Variants in CTNNA3 observed in about 807,000 individuals in gnomAD.
The protein encoded by CTNNA3 is catenin alpha 3.
Under a neutral mutation model 95.7 loss-of-function variants are expected in CTNNA3, and 76 were observed. The observed-to-expected ratio is 0.79, with a 90% CI of 0.66 to 0.96. The LOEUF (loss-of-function observed/expected upper bound fraction) is 0.96. Among genes scored for constraint, CTNNA3 ranks in the 40% least tolerant of loss-of-function variants. The pLI, the probability that CTNNA3 is intolerant of heterozygous loss-of-function variation, is 0.00. For synonymous variants in CTNNA3, 431 were observed against 374.4 expected, an observed-to-expected ratio of 1.15 and a Z score of -1.74; for missense variants, 1,191 against 1,089.8, an observed-to-expected ratio of 1.09 and a Z score of -1.31.
chr10:66,911,947 T>C (rs1846240364), intron 7 of CTNNA3, among the ~76,000 whole-genome samples: 1 of 152,094 alleles, frequency 6.6e-6, no homozygotes. Flanking sequence ...AAGCCTAGAG[T>C]ATTTCAAAAG....
At chr10:67,225,990 G>A (rs1864896019) in intron 5 of CTNNA3, among the ~76,000 whole-genome samples, 2 of 152,070 alleles carry the variant, frequency 1.3e-5, no homozygotes, top group African/African-American at 2.4e-5. Context: ...AAGAAGTGAA[G>A]GGAGAAATAT....
rs180959618 is a variant in CTNNA3 at position 66,607,979 on chromosome 10, C to T, written c.1374+13713G>A. Among the ~76,000 whole-genome samples, 23 of 152,136 alleles carry T rather than the reference C, an allele frequency of 1.5e-4. No individual in the cohort carries two copies. In the East Asian group the frequency reaches 4.1e-3, roughly 27 times the overall value. ...TCAGGGAAGAGAAATAAATAAAGGG[C>T]ATGTAAACAGGAAGAGGGAAAGTTA... is the stretch of plus-strand genomic sequence containing the variant. On this transcript the variant is annotated intron_variant, in intron 10 of 17. Transcript: ENST00000433211.
chr10:67,742,639 A>C (rs1841347267), intron 1 of CTNNA3, among the ~76,000 whole-genome samples: 1 of 151,204 alleles, frequency 6.6e-6, no homozygotes, highest in Non-Finnish European at 1.5e-5. Flanking sequence ...GAAGGCAAGA[A>C]ATAACTAAGA....
chr10:67,502,494 C>T (rs111319601), intron 5 of CTNNA3, among the ~76,000 whole-genome samples: 1,946 of 152,292 alleles, frequency 0.013, 34 homozygotes, highest in African/African-American at 0.037. Context: ...AGAGCTCGAG[C>T]GCTGTGCTGG....
chr10:67,619,255 G>T (rs1843751127), intron 2 of CTNNA3, among the ~76,000 whole-genome samples: 1 of 152,084 alleles, frequency 6.6e-6, no homozygotes, highest in Non-Finnish European at 1.5e-5. Context: ...CATGGCACTG[G>T]CATAAAAACA....
intron 16 of CTNNA3, 96 bp downstream of exon 16, chr10:65,988,588 AAATGGTTG>A: frequency 1.3e-6 from 1 of 767,712 alleles, no homozygotes; most frequent in East Asian, 2.6e-5. Context: ...AATTTAGAAA[AAATGGTTG>A]AAGAGAGTAA....
intron 7 of CTNNA3, among the ~76,000 whole-genome samples, chr10:66,903,473 A>G (rs1041598342): frequency 1.3e-5 from 2 of 152,156 alleles, no homozygotes; most frequent in Non-Finnish European, 2.9e-5. Flanking sequence ...GGCATAAGAA[A>G]AGGATGCCCT....
At chr10:66,413,315 A>C (rs1282210491) in intron 11 of CTNNA3, among the ~76,000 whole-genome samples, 1 of 152,194 alleles carries the variant, frequency 6.6e-6, no homozygotes, top group Non-Finnish European at 1.5e-5. Flanking sequence ...ATAAGAACCT[A>C]CATTTTTAAA....
At chr10:66,725,419 T>A (rs1196383362) in intron 9 of CTNNA3, among the ~76,000 whole-genome samples, 2 of 152,016 alleles carry the variant, frequency 1.3e-5, no homozygotes, top group African/African-American at 2.4e-5. Flanking sequence ...GAAGAAAAAA[T>A]TAAGGGGTTT....
In CTNNA3 at chr10:67,218,536, C is replaced by T. The variant is rs148872087; in HGVS notation, c.843+1071G>A. On this transcript the variant is annotated intron_variant, in intron 6 of 17. Coordinates refer to ENST00000433211, the MANE Select transcript of CTNNA3 (RefSeq NM_013266.4). Reference sequence around the variant, plus strand: ...GTAGACTTCTTCCTCTATCCAGTCCCGCTCCTTCCCTCTTTCCTTCCCAAA... The same window carrying T: ...GTAGACTTCTTCCTCTATCCAGTCCTGCTCCTTCCCTCTTTCCTTCCCAAA... Among the ~76,000 whole-genome samples, 21 of 152,200 alleles carry T rather than the reference C, an allele frequency of 1.4e-4. No homozygotes were observed. In the South Asian group the frequency reaches 2.1e-3, roughly 15 times the overall value.
chr10:66,707,543 T>C (rs1438640314), intron 9 of CTNNA3, among the ~76,000 whole-genome samples: 1 of 152,074 alleles, frequency 6.6e-6, no homozygotes, highest in Non-Finnish European at 1.5e-5. Context: ...ATCTTAATTG[T>C]AGGAATCCAT....
chr10:66,360,976 A>C (rs2092669758), intron 12 of CTNNA3, among the ~76,000 whole-genome samples: 1 of 146,660 alleles, frequency 6.8e-6, no homozygotes, highest in Admixed American at 6.9e-5. Context: ...ATATTTTAAG[A>C]GATGGAGTCT....
chr10:66,865,118 A>T (rs1369403606), intron 7 of CTNNA3, among the ~76,000 whole-genome samples: 2 of 152,072 alleles, frequency 1.3e-5, no homozygotes, highest in Non-Finnish European at 2.9e-5. Flanking sequence ...TTCCATACTT[A>T]TAAAATACAG....
intron 5 of CTNNA3, among the ~76,000 whole-genome samples, chr10:67,343,673 C>A (rs1842301541): frequency 6.6e-6 from 1 of 151,786 alleles, no homozygotes; most frequent in Non-Finnish European, 1.5e-5. Context: ...TAGATTTTTC[C>A]AAATATAAGA....
At chr10:67,639,034 CATA>C (rs1839426763) in intron 2 of CTNNA3, among the ~76,000 whole-genome samples, 2 of 152,074 alleles carry the variant, frequency 1.3e-5, no homozygotes, top group African/African-American at 4.8e-5. Context: ...GAAATAGACA[CATA>C]AAAAACCCTT....
chr10:66,445,625 C>A (rs1015090235), intron 11 of CTNNA3, among the ~76,000 whole-genome samples: 1 of 151,830 alleles, frequency 6.6e-6, no homozygotes. Flanking sequence ...TTGAAACCAA[C>A]GAGAACAAAG....
chr10:67,750,571 C>A (rs1481140465), intron 1 of CTNNA3: 1 of 1,577,130 alleles, frequency 6.3e-7, no homozygotes, highest in Non-Finnish European at 8.7e-7. Flanking sequence ...TTGAGAAGAC[C>A]CTCAAGGATC....
At position 66,651,660 on chromosome 10, in the gene CTNNA3, C is replaced by CGGCCG. The variant is rs1237884433; in HGVS notation, c.1282-29877_1282-29876insCGGCC. On this transcript the variant is annotated intron_variant, in intron 9 of 17. Coordinates refer to ENST00000433211, the MANE Select transcript of CTNNA3 (RefSeq NM_013266.4). ...GAATTCCAGCGCAGTGCCCGCCGGC[C>CGGCCG]GGCACTGCTGGGGGACCCAGCGCAC... Among the ~76,000 whole-genome samples the CGGCCG allele has an allele frequency of 3.3e-5, 5 of 152,246 alleles. No individual in the cohort carries two copies. In the East Asian group the frequency reaches 7.8e-4, roughly 24 times the overall value.
At chr10:67,500,754 CT>C (rs924282659) in intron 5 of CTNNA3, among the ~76,000 whole-genome samples, 5 of 152,024 alleles carry the variant, frequency 3.3e-5, no homozygotes, top group African/African-American at 1.2e-4. Context: ...GCAAACCCTG[CT>C]TTTTTTTGCT....
Sources: gnomAD v4.1 joint callset for allele counts (sites outside exome capture counted in the v4.1 genomes callset) on GRCh38, gnomAD v4.1.1 for gene constraint, MANE v1.5 for transcripts, NCBI Gene and HGNC (gene_info 2026-07-23, HGNC 2026-07-21) for gene names.